CRACDL: variants seen among roughly 807,000 people sequenced by gnomAD.
The protein encoded by CRACDL is CRACD-like protein.
In CRACDL, 26 loss-of-function variants were observed where a neutral mutation model predicts 70.6. The ratio of observed to expected loss-of-function variants is 0.37; its 90% CI spans 0.27 to 0.51. The LOEUF (loss-of-function observed/expected upper bound fraction) is 0.51. CRACDL is among the 20% of genes least tolerant of loss of function. The probability of loss-of-function intolerance (pLI) is 0.94; values close to 1 mark genes in which losing one functional copy is unlikely to be tolerated. For missense variants in CRACDL, 1,283 were observed against 1,376.9 expected, an observed-to-expected ratio of 0.93 and a Z score of 1.08; for synonymous variants, 618 against 615.2, an observed-to-expected ratio of 1.00 and a Z score of -0.07.
intron 3 of CRACDL, among the ~76,000 whole-genome samples, chr2:98,837,650 T>A (rs2104514179): frequency 6.6e-6 from 1 of 152,162 alleles, no homozygotes; most frequent in East Asian, 1.9e-4. Flanking sequence ...TTATGATATT[T>A]TTGGATGATT....
Position 98,832,844 on chromosome 2 carries a change from G to T in CRACDL, c.375+18C>A. On this transcript the variant is annotated intron_variant, in intron 4 of 9. Transcript: ENST00000397899. ...ATTTGACTTGCACACCAGGCGACAT[G>T]ACCAAGGAAACATTTACCTGCAGAG... 1.9e-6 allele frequency: 3 copies of T among 1,613,016 alleles called. No homozygotes were observed. The South Asian group carries it at 3.3e-5, about 18-fold the overall frequency.
intron 1 of CRACDL, among the ~76,000 whole-genome samples, chr2:98,900,171 GGACA>G (rs1708237663): frequency 1.4e-5 from 2 of 144,594 alleles, no homozygotes; most frequent in Admixed American, 6.8e-5. Context: ...GGAGGCAGAT[GGACA>G]GAGGCTCAGT....
chr2:98,846,882 G>T (rs1169390585), intron 1 of CRACDL, 72 bp from the exon 2 acceptor site: 3 of 1,263,832 alleles, frequency 2.4e-6, no homozygotes, highest in South Asian at 1.2e-5. Context: ...AATGGTGTTC[G>T]TGACTGCATT....
Position 98,810,629 on chromosome 2 carries a change from C to T in CRACDL, c.2416+11228G>A, listed in dbSNP as rs149381425. On this transcript the variant is annotated intron_variant, in intron 7 of 9. Transcript: ENST00000397899. The stretch of plus-strand genomic sequence containing the variant: ...CAGACTGGAGGAAAAAAAACACTGA[C>T]GACACTTAGTGTTGATGAGGGGGTG... 2.6e-3 allele frequency among the ~76,000 whole-genome samples: 401 copies of T among 152,190 alleles called. 2 individuals carry two copies. Among genetic ancestry groups the T allele is most frequent in the African/African-American group, 9.2e-3 (384 of 41,516 alleles).
chr2:98,798,369 G>A (rs1045661838), intron 7 of CRACDL, among the ~76,000 whole-genome samples: 3 of 146,786 alleles, frequency 2.0e-5, no homozygotes, highest in Admixed American at 6.9e-5. Flanking sequence ...GCGTGAACCC[G>A]GGAGGCGGAG....
chr2:98,929,796 T>C (rs1709025153), intron 1 of CRACDL, among the ~76,000 whole-genome samples: 2 of 150,190 alleles, frequency 1.3e-5, no homozygotes, highest in East Asian at 3.9e-4. Flanking sequence ...GTGAATCTCA[T>C]AGGATATGTC....
At chr2:98,842,436 C>T (rs1198100826) in intron 2 of CRACDL, among the ~76,000 whole-genome samples, 3 of 150,294 alleles carry the variant, frequency 2.0e-5, no homozygotes, top group African/African-American at 7.4e-5. Flanking sequence ...TCCGCTATAC[C>T]TTGTAAAAAA....
intron 4 of CRACDL, 71 bp downstream of exon 4, chr2:98,832,791 G>T: frequency 1.3e-6 from 2 of 1,582,252 alleles, no homozygotes; most frequent in Non-Finnish European, 8.7e-7. Flanking sequence ...AAACCAAGCA[G>T]AAATCATTTA....
intron 7 of CRACDL, among the ~76,000 whole-genome samples, chr2:98,803,303 ACTAG>A (rs1380405641): frequency 6.6e-6 from 1 of 151,902 alleles, no homozygotes; most frequent in African/African-American, 2.4e-5. Flanking sequence ...CCCGGCCATG[ACTAG>A]CTAATTTTTT....
chr2:98,893,237 G>A (rs1401687437), intron 1 of CRACDL, among the ~76,000 whole-genome samples: 1 of 152,050 alleles, frequency 6.6e-6, no homozygotes, highest in Non-Finnish European at 1.5e-5. Flanking sequence ...CCACATCATG[G>A]GACAAGGAGC....
At chr2:98,877,520 C>A (rs139071067) in intron 1 of CRACDL, among the ~76,000 whole-genome samples, 4 of 152,010 alleles carry the variant, frequency 2.6e-5, no homozygotes, top group East Asian at 1.9e-4. Context: ...CCGAGGCAGG[C>A]GGATTACCTG....
chr2:98,884,443 C>T (rs909069674), intron 1 of CRACDL, among the ~76,000 whole-genome samples: 1 of 152,194 alleles, frequency 6.6e-6, no homozygotes, highest in Non-Finnish European at 1.5e-5. Context: ...CTGAACCCCA[C>T]CCTCTTCCAC....
At chr2:98,905,088 A>C (rs901763722) in intron 1 of CRACDL, among the ~76,000 whole-genome samples, 3 of 151,922 alleles carry the variant, frequency 2.0e-5, no homozygotes, top group African/African-American at 7.3e-5. Flanking sequence ...GTCTCTACTA[A>C]AAATACAAAA....
intron 7 of CRACDL, among the ~76,000 whole-genome samples, chr2:98,798,443 CAAAAAAAAAAA>C (rs70940125): frequency 5.4e-4 from 24 of 44,356 alleles, no homozygotes; most frequent in East Asian, 2.1e-3. Flanking sequence ...GACTCCGTCT[CAAAAAAAAAAA>C]AAAAAAAAAA....
At chr2:98,931,012 T>A (rs1260174713) in intron 1 of CRACDL, among the ~76,000 whole-genome samples, 1 of 152,096 alleles carries the variant, frequency 6.6e-6, no homozygotes, top group African/African-American at 2.4e-5. Context: ...GTTGCAGGAC[T>A]TCTAAGTGGC....
At chr2:98,932,868 C>T (rs929042207) in intron 1 of CRACDL, among the ~76,000 whole-genome samples, 1 of 152,184 alleles carries the variant, frequency 6.6e-6, no homozygotes, top group Non-Finnish European at 1.5e-5. Flanking sequence ...ACCTAAGAAA[C>T]AGCCCTGCCC....
chr2:98,905,569 T>C (rs1235380122), intron 1 of CRACDL, among the ~76,000 whole-genome samples: 1 of 152,198 alleles, frequency 6.6e-6, no homozygotes. Context: ...CTCAAACTTA[T>C]TTGGGAAGCG....
intron 1 of CRACDL, among the ~76,000 whole-genome samples, chr2:98,891,537 T>C (rs1397625717): frequency 6.6e-6 from 1 of 152,040 alleles, no homozygotes; most frequent in Non-Finnish European, 1.5e-5. Context: ...CACAACCTTG[T>C]TTGGGGATAT....
At chr2:98,808,518 T>A (rs1303824387) in intron 7 of CRACDL, among the ~76,000 whole-genome samples, 1 of 152,154 alleles carries the variant, frequency 6.6e-6, no homozygotes, top group Non-Finnish European at 1.5e-5. Context: ...GCTGACCAGA[T>A]GACCCAGTTC....
Sources: allele counts gnomAD v4.1 joint callset (sites outside exome capture counted in the v4.1 genomes callset), GRCh38; gene constraint gnomAD v4.1.1; transcripts MANE v1.5; gene names NCBI Gene and HGNC (gene_info 2026-07-23, HGNC 2026-07-21).